NYAP2: variants seen among roughly 807,000 people sequenced by gnomAD.
NYAP2 encodes neuronal tyrosine-phosphorylated phosphoinositide-3-kinase adaptor 2.
NYAP2 carries 23 observed loss-of-function variants against 50.4 expected under a neutral mutation model. The observed-to-expected ratio is 0.46, with a 90% CI of 0.33 to 0.65. NYAP2 has a LOEUF of 0.65. NYAP2 is among the 30% of genes least tolerant of loss of function. The pLI is 0.02. For missense variants in NYAP2, 885 were observed against 861.0 expected, an observed-to-expected ratio of 1.03 and a Z score of -0.35; for synonymous variants, 394 against 365.2, an observed-to-expected ratio of 1.08 and a Z score of -0.90.
At chr2:225,652,112 T>C (rs926906029) in exon 7 of NYAP2, 4 of 152,338 alleles carry the variant, frequency 2.6e-5, no homozygotes, top group African/African-American at 9.7e-5. Flanking sequence ...TTGATGTCCT[T>C]ATAAATATTC....
At chr2:225,452,227 T>C (rs373104989) in intron 3 of NYAP2, among the ~76,000 whole-genome samples, 8 of 152,336 alleles carry the variant, frequency 5.3e-5, no homozygotes, top group African/African-American at 1.9e-4. Flanking sequence ...TTCATATCTC[T>C]TTTTAAAATA....
At chr2:225,501,429 G>A (rs1690605216) in intron 3 of NYAP2, among the ~76,000 whole-genome samples, 2 of 152,126 alleles carry the variant, frequency 1.3e-5, no homozygotes, top group Admixed American at 6.6e-5. Flanking sequence ...GTTATCTCAG[G>A]CATGTAAATA....
intron 2 of NYAP2, 87 bp downstream of exon 2, chr2:225,401,130 G>T (rs1368519933): frequency 6.6e-6 from 1 of 152,468 alleles, no homozygotes; most frequent in African/African-American, 2.4e-5. Context: ...AAAATGGAAT[G>T]GATTTTAGTT....
chr2:225,414,645 C>T (rs1361015122), intron 3 of NYAP2, among the ~76,000 whole-genome samples: 2 of 151,948 alleles, frequency 1.3e-5, no homozygotes, highest in African/African-American at 4.8e-5. Flanking sequence ...CACAAACATC[C>T]CTTAAGGCGG....
intron 4 of NYAP2, among the ~76,000 whole-genome samples, chr2:225,544,278 T>A (rs192967867): frequency 6.6e-6 from 1 of 152,048 alleles, no homozygotes; most frequent in Admixed American, 6.5e-5. Context: ...TTTAATCCAT[T>A]TATGTTCAAT....
In NYAP2 at chr2:225,449,917, G is replaced by A. The variant is rs544884643; in HGVS notation, c.221+40816G>A. Among the ~76,000 whole-genome samples, 4 of 152,004 alleles carry A rather than the reference G, an allele frequency of 2.6e-5. No individual in the cohort carries two copies. The South Asian group carries it at 6.2e-4, about 24-fold the overall frequency. Reference sequence around the variant, plus strand: ...CAGTCATGAGCCACCACACCCGGCCGATAAGCCATACACGAGATAGCTCCT... The same window carrying A: ...CAGTCATGAGCCACCACACCCGGCCAATAAGCCATACACGAGATAGCTCCT... On this transcript the variant is annotated intron_variant, in intron 3 of 6. Coordinates refer to ENST00000636099, the Ensembl canonical transcript of NYAP2.
intron 3 of NYAP2, among the ~76,000 whole-genome samples, chr2:225,483,049 C>T (rs1431060921): frequency 6.6e-6 from 1 of 152,076 alleles, no homozygotes; most frequent in East Asian, 1.9e-4. Flanking sequence ...ATATTCTGTA[C>T]TGGTAATTTA....
At chr2:225,421,919 A>G (rs575707359) in intron 3 of NYAP2, among the ~76,000 whole-genome samples, 4 of 152,306 alleles carry the variant, frequency 2.6e-5, no homozygotes, top group South Asian at 2.1e-4. Context: ...CTAGAAATCA[A>G]TTATTTCAAA....
intron 3 of NYAP2, among the ~76,000 whole-genome samples, chr2:225,474,806 T>C (rs1015889729): frequency 1.3e-5 from 2 of 152,244 alleles, no homozygotes; most frequent in African/African-American, 4.8e-5. Context: ...CTTTATTTCT[T>C]TCTCCTGCCT....
intron 4 of NYAP2, among the ~76,000 whole-genome samples, chr2:225,539,567 T>G (rs1691421019): frequency 6.6e-6 from 1 of 152,180 alleles, no homozygotes; most frequent in Admixed American, 6.5e-5. Flanking sequence ...ATCTCATTAT[T>G]GTTTTGATTT....
At chr2:225,537,058 G>C (rs570422594) in intron 4 of NYAP2, among the ~76,000 whole-genome samples, 1 of 151,984 alleles carries the variant, frequency 6.6e-6, no homozygotes, top group Non-Finnish European at 1.5e-5. Flanking sequence ...GATTACAGGC[G>C]TGAGCCACTG....
intron 4 of NYAP2, among the ~76,000 whole-genome samples, chr2:225,568,420 T>C (rs1297997880): frequency 6.6e-6 from 1 of 152,172 alleles, no homozygotes; most frequent in African/African-American, 2.4e-5. Context: ...TACCACTCTT[T>C]ATTAGTCTCA....
chr2:225,458,997 T>A (rs1224480986), intron 3 of NYAP2, among the ~76,000 whole-genome samples: 2 of 152,224 alleles, frequency 1.3e-5, no homozygotes, highest in African/African-American at 2.4e-5. Context: ...TTAGTCTCTT[T>A]CTAGTTTCTC....
intron 3 of NYAP2, among the ~76,000 whole-genome samples, chr2:225,437,601 A>G (rs1422054144): frequency 6.6e-6 from 1 of 152,222 alleles, no homozygotes; most frequent in Non-Finnish European, 1.5e-5. Context: ...TTCAGAAAAG[A>G]AGGGCACCTC....
At chr2:225,631,669 A>G (rs1373184973) in intron 6 of NYAP2, among the ~76,000 whole-genome samples, 4 of 152,204 alleles carry the variant, frequency 2.6e-5, no homozygotes, top group Non-Finnish European at 5.9e-5. Context: ...GGAGAAAGGG[A>G]AAAATGTTGT....
chr2:225,398,083 C>T (rs1694801163), upstream of NYAP2, among the ~76,000 whole-genome samples: 1 of 151,828 alleles, frequency 6.6e-6, no homozygotes, highest in Non-Finnish European at 1.5e-5. Flanking sequence ...GAGGAAATGG[C>T]AGATTCTTCA....
intron 3 of NYAP2, among the ~76,000 whole-genome samples, chr2:225,417,520 A>G (rs1301556593): frequency 6.6e-6 from 1 of 152,194 alleles, no homozygotes; most frequent in African/African-American, 2.4e-5. Context: ...GGAAGCAGAA[A>G]AAAAGATCAC....
chr2:225,616,859 T>C (rs1693000225), intron 5 of NYAP2, among the ~76,000 whole-genome samples: 1 of 152,198 alleles, frequency 6.6e-6, no homozygotes, highest in Non-Finnish European at 1.5e-5. Context: ...TAATGCAACT[T>C]AGTTCAGTGC....
chr2:225,695,154 A>ATAT, the NYAP2 span, among the ~76,000 whole-genome samples: 1 of 151,830 alleles, frequency 6.6e-6, no homozygotes, highest in Non-Finnish European at 1.5e-5. Flanking sequence ...CACAAAATAC[A>ATAT]TATTTTATGG....
Sources: allele counts gnomAD v4.1 joint callset (sites outside exome capture counted in the v4.1 genomes callset), GRCh38; gene constraint gnomAD v4.1.1; transcripts MANE v1.5; gene names NCBI Gene and HGNC (gene_info 2026-07-23, HGNC 2026-07-21).